Variants in EIF3H observed in about 807,000 individuals in gnomAD.
EIF3H encodes the protein eukaryotic translation initiation factor 3 subunit H.
In EIF3H, 26 loss-of-function variants were observed where a neutral mutation model predicts 44.2. That is an observed-to-expected ratio of 0.59 (90% CI 0.43 to 0.82). The LOEUF is 0.82. Among genes scored for constraint, EIF3H ranks in the 40% least tolerant of loss-of-function variants. The pLI is 0.00. For missense variants in EIF3H, 359 were observed against 432.8 expected (o/e 0.83, Z 1.51); for synonymous variants, 166 against 151.9 (o/e 1.09, Z -0.68).
At chr8:116,703,988 C>T (rs1289596070) in intron 2 of EIF3H, among the ~76,000 whole-genome samples, 1 of 152,216 alleles carries the variant, frequency 6.6e-6, no homozygotes, top group African/African-American at 2.4e-5. Flanking sequence ...TGGTTCTTAA[C>T]AGATCAGTAC....
chr8:116,672,557 T>C (rs559328676), intron 2 of EIF3H, among the ~76,000 whole-genome samples: 1 of 151,812 alleles, frequency 6.6e-6, no homozygotes, highest in East Asian at 1.9e-4. Flanking sequence ...CTGGGTCCAG[T>C]AGTTTGAGGC....
intron 2 of EIF3H, among the ~76,000 whole-genome samples, chr8:116,691,099 A>G (rs1037417758): frequency 1.3e-5 from 2 of 152,228 alleles, no homozygotes; most frequent in Non-Finnish European, 2.9e-5. Flanking sequence ...ACAGTTTACT[A>G]CGTTACTAAG....
At chr8:116,726,358 A>C (rs1339219827) in intron 1 of EIF3H, among the ~76,000 whole-genome samples, 186 bp from the exon 2 acceptor site, 1 of 152,212 alleles carries the variant, frequency 6.6e-6, no homozygotes. Context: ...CACATAATCT[A>C]AACGCAGATC....
chr8:116,650,384 C>A (rs1273217126), intron 5 of EIF3H, among the ~76,000 whole-genome samples: 3 of 152,086 alleles, frequency 2.0e-5, no homozygotes, highest in African/African-American at 7.2e-5. Flanking sequence ...TATGAATATA[C>A]CCTATGAATA....
chr8:116,700,501 A>C (rs757218572), intron 2 of EIF3H, among the ~76,000 whole-genome samples: 4 of 151,904 alleles, frequency 2.6e-5, no homozygotes, highest in Non-Finnish European at 5.9e-5. Flanking sequence ...AGTGTGGCCT[A>C]GGGGAGCCAA....
At chr8:116,763,530 T>C (rs1287295165) in intron 1 of EIF3H, among the ~76,000 whole-genome samples, 1 of 152,254 alleles carries the variant, frequency 6.6e-6, no homozygotes. Flanking sequence ...TAACACCTTC[T>C]GACATATTTG....
upstream of EIF3H, among the ~76,000 whole-genome samples, chr8:116,758,774 A>G (rs1815485828): frequency 1.3e-5 from 2 of 152,224 alleles, no homozygotes; most frequent in Non-Finnish European, 2.9e-5. Context: ...TCCACAGATC[A>G]AAGAGGAAGT....
chr8:116,744,937 G>A (rs1815206816), intron 1 of EIF3H, among the ~76,000 whole-genome samples: 1 of 152,156 alleles, frequency 6.6e-6, no homozygotes, highest in South Asian at 2.1e-4. Context: ...CAAGGTATGG[G>A]CTAGGACTGA....
In EIF3H at chr8:116,743,796, ATAAACACACAC is replaced by A. The variant is rs1563659919; in HGVS notation, c.132+11859_132+11869del. On this transcript the variant is annotated intron_variant, in intron 1 of 7. Coordinates refer to ENST00000521861, the MANE Select transcript of EIF3H (RefSeq NM_003756.3). ...TATATATATATATATATATATATAT[ATAAACACACAC>A]ACACACACACACACACACACACACA... Among the ~76,000 whole-genome samples, 375 of 98,926 alleles carry A rather than the reference ATAAACACACAC, an allele frequency of 3.8e-3. 2 individuals are homozygous for A. Among genetic ancestry groups the A allele is most frequent in the African/African-American group, 8.2e-3 (181 of 22,164 alleles). 64.9% of individuals were successfully genotyped at this position (98,926 alleles called of 152,430 possible).
chr8:116,727,454 T>C (rs1814864784), intron 1 of EIF3H, among the ~76,000 whole-genome samples: 1 of 152,184 alleles, frequency 6.6e-6, no homozygotes, highest in African/African-American at 2.4e-5. Flanking sequence ...ACGCCAGAGA[T>C]AAAGAAGCCA....
intron 1 of EIF3H, among the ~76,000 whole-genome samples, chr8:116,764,109 G>A (rs973429284): frequency 6.6e-6 from 1 of 152,168 alleles, no homozygotes; most frequent in South Asian, 2.1e-4. Context: ...TAAATTAATC[G>A]CCTACTTACT....
intron 2 of EIF3H, among the ~76,000 whole-genome samples, chr8:116,677,565 T>C (rs1409381029): frequency 6.6e-6 from 1 of 152,206 alleles, no homozygotes; most frequent in South Asian, 2.1e-4. Context: ...AGCAACAACG[T>C]TGAAGAAAAA....
chr8:116,647,033 C>T (rs544513263), intron 6 of EIF3H, among the ~76,000 whole-genome samples: 2 of 152,250 alleles, frequency 1.3e-5, no homozygotes, highest in Non-Finnish European at 2.9e-5. Context: ...CCTAAAATAA[C>T]AATACAGATG....
At chr8:116,720,407 T>G (rs1234173183) in intron 2 of EIF3H, among the ~76,000 whole-genome samples, 1 of 152,210 alleles carries the variant, frequency 6.6e-6, no homozygotes, top group East Asian at 1.9e-4. Context: ...GTCTTTTGCC[T>G]TCTGCCATGA....
intron 1 of EIF3H, among the ~76,000 whole-genome samples, chr8:116,752,847 A>C (rs1299284428): frequency 7.2e-6 from 1 of 139,488 alleles, no homozygotes; most frequent in Non-Finnish European, 1.5e-5. Context: ...GAGAGAAAAG[A>C]AAAGAAAAAA....
chr8:116,692,204 G>A (rs1478218321), intron 2 of EIF3H, among the ~76,000 whole-genome samples: 1 of 152,122 alleles, frequency 6.6e-6, no homozygotes, highest in Non-Finnish European at 1.5e-5. Context: ...CAACTCTGCA[G>A]GCACTCTGAA....
At chr8:116,683,795 C>A (rs1454190565) in intron 2 of EIF3H, among the ~76,000 whole-genome samples, 1 of 152,116 alleles carries the variant, frequency 6.6e-6, no homozygotes, top group Non-Finnish European at 1.5e-5. Flanking sequence ...TGCTAAAGGT[C>A]ACATTAATAC....
At chr8:116,662,519 A>G (rs2130801007) in intron 2 of EIF3H, among the ~76,000 whole-genome samples, 1 of 152,358 alleles carries the variant, frequency 6.6e-6, no homozygotes. Context: ...GCCAAGGAAC[A>G]AGAGACACAA....
intron 2 of EIF3H, among the ~76,000 whole-genome samples, chr8:116,699,595 C>CA (rs1262692658): frequency 3.9e-5 from 6 of 152,186 alleles, no homozygotes; most frequent in Non-Finnish European, 8.8e-5. Context: ...CCATTGGGTA[C>CA]TATGCCAGCT....
Sources: gnomAD v4.1 joint callset for allele counts (sites outside exome capture counted in the v4.1 genomes callset) on GRCh38, gnomAD v4.1.1 for gene constraint, MANE v1.5 for transcripts, NCBI Gene and HGNC (gene_info 2026-07-23, HGNC 2026-07-21) for gene names.